TOGARAM1: variants seen among roughly 807,000 people sequenced by gnomAD.
The protein encoded by TOGARAM1 is TOG array regulator of axonemal microtubules protein 1.
Under a neutral mutation model 166.6 loss-of-function variants are expected in TOGARAM1, and 100 were observed. The ratio of observed to expected loss-of-function variants is 0.60; its 90% CI spans 0.51 to 0.71. TOGARAM1 has a LOEUF of 0.71. Ranked by LOEUF, TOGARAM1 falls within the 30% of genes least tolerant of loss-of-function variation. The pLI, the probability that TOGARAM1 is intolerant of heterozygous loss-of-function variation, is 0.00. For missense variants in TOGARAM1, 2,029 were observed against 2,102.7 expected (o/e 0.96, Z 0.69); for synonymous variants, 758 against 763.8 (o/e 0.99, Z 0.13).
chr14:44,970,174 T>G (rs1885803658), intron 1 of TOGARAM1, among the ~76,000 whole-genome samples: 1 of 152,226 alleles, frequency 6.6e-6, no homozygotes, highest in South Asian at 2.1e-4. Context: ...TCCACAAACA[T>G]GGATTATCTC....
intron 13 of TOGARAM1, among the ~76,000 whole-genome samples, chr14:45,045,680 T>C (rs1410275292): frequency 2.0e-5 from 2 of 97,614 alleles, no homozygotes; most frequent in Non-Finnish European, 3.6e-5. Context: ...TGTATATATA[T>C]ACACATATAT....
chr14:45,047,759 A>G (rs1882146803), intron 14 of TOGARAM1, among the ~76,000 whole-genome samples: 1 of 152,152 alleles, frequency 6.6e-6, no homozygotes, highest in Non-Finnish European at 1.5e-5. Flanking sequence ...TAAAATTTTT[A>G]TAGTAATGAT....
At chr14:45,041,623 A>G (rs899811096) in intron 11 of TOGARAM1, among the ~76,000 whole-genome samples, 18 of 152,250 alleles carry the variant, frequency 1.2e-4, no homozygotes, top group African/African-American at 4.1e-4. Context: ...AAGAACATAG[A>G]GATAAAAATT....
intron 2 of TOGARAM1, among the ~76,000 whole-genome samples, chr14:44,998,895 A>G (rs997717817): frequency 6.6e-6 from 1 of 152,182 alleles, no homozygotes; most frequent in African/African-American, 2.4e-5. Flanking sequence ...ATCTGCGTGA[A>G]TACTGTGAAG....
rs567008587 is a variant in TOGARAM1 at position 44,987,352 on chromosome 14, C to T, written c.2047-8394C>T. On this transcript the variant is annotated intron_variant, in intron 1 of 19. Transcript: ENST00000361462. ...GAATGGAGAAAATTTTTGCAATCTA[C>T]TCATCTGACAAAGGGCTAATATCCA... Among the ~76,000 whole-genome samples the T allele has an allele frequency of 3.3e-5, 5 of 152,236 alleles. No individual in the cohort carries two copies. In the South Asian group the frequency reaches 1.0e-3, roughly 32 times the overall value.
Position 45,008,947 on chromosome 14 carries a change from CAGCTAAGAAAAG to C in TOGARAM1, c.2943_2954del (p.Lys983_Lys986del), listed in dbSNP as rs754316286. 2 of 1,613,990 alleles carry C rather than the reference CAGCTAAGAAAAG, an allele frequency of 1.2e-6. No individual in the cohort carries two copies. Among genetic ancestry groups the C allele is most frequent in the Non-Finnish European group, 1.7e-6 (2 of 1,179,912 alleles). On this transcript the variant is annotated inframe_deletion, in exon 6 of 20. Transcript: ENST00000361462. ...TCTCTTAGGTCCCTTCGTAATAGTGCAGCTAAGAAAAGAGCAAAACTGAGTGGCAGTACTTCA... is the reference window on the plus strand; with the variant it reads ...TCTCTTAGGTCCCTTCGTAATAGTGCAGCAAAACTGAGTGGCAGTACTTCA...
At chr14:45,062,486 G>A (rs747475641) in intron 16 of TOGARAM1, among the ~76,000 whole-genome samples, 1 of 152,064 alleles carries the variant, frequency 6.6e-6, no homozygotes, top group East Asian at 1.9e-4. Context: ...TTACGGAGAC[G>A]TAATTCACCT....
chr14:45,064,743 G>A (rs951828170), intron 16 of TOGARAM1, among the ~76,000 whole-genome samples: 12 of 152,122 alleles, frequency 7.9e-5, no homozygotes, highest in Admixed American at 5.9e-4. Context: ...TTTAATCAGG[G>A]TATTTGACCA....
In TOGARAM1 at chr14:44,963,129, A is replaced by G. The variant is rs1306720521; in HGVS notation, c.708A>G (p.Leu236=). ...TDARLRASTA[L]LLPILLTTED... ...CCCGACTTAGAGCTTCCACAGCACT[A>G]CTGCTTCCCATCTTGCTTACTACTG... is the stretch of plus-strand genomic sequence containing the variant. Residue 236 remains leucine (L), a synonymous_variant, in exon 1 of 20, where the codon CTA becomes CTG. Transcript: ENST00000361462. 6.2e-7 allele frequency: 1 copy of G among 1,614,102 alleles called. No individual in the cohort carries two copies. Among genetic ancestry groups the G allele is most frequent in the Non-Finnish European group, 8.5e-7 (1 of 1,180,048 alleles).
intron 18 of TOGARAM1, among the ~76,000 whole-genome samples, chr14:45,069,066 G>C (rs2139007722): frequency 6.6e-6 from 1 of 152,186 alleles, no homozygotes; most frequent in African/African-American, 2.4e-5. Context: ...CTTAGGACTT[G>C]GTGAAAAGTT....
At chr14:44,966,748 G>A (rs554371552) in intron 1 of TOGARAM1, among the ~76,000 whole-genome samples, 1 of 152,036 alleles carries the variant, frequency 6.6e-6, no homozygotes, top group Non-Finnish European at 1.5e-5. Flanking sequence ...GAGGCCAGGA[G>A]TTCGAGACCA....
At chr14:45,044,040 T>G (rs1213491562) in intron 12 of TOGARAM1, among the ~76,000 whole-genome samples, 2 of 152,086 alleles carry the variant, frequency 1.3e-5, no homozygotes, top group Admixed American at 1.3e-4. Context: ...AACGGAGTCT[T>G]GCTCTGTTGC....
intron 1 of TOGARAM1, among the ~76,000 whole-genome samples, chr14:44,975,104 A>G (rs1419897280): frequency 6.6e-6 from 1 of 152,138 alleles, no homozygotes; most frequent in Non-Finnish European, 1.5e-5. Context: ...CCAGAAAGCA[A>G]TAATTTTGCT....
chr14:44,982,827 C>T (rs1200710759), intron 1 of TOGARAM1, among the ~76,000 whole-genome samples: 4 of 152,156 alleles, frequency 2.6e-5, no homozygotes, highest in Non-Finnish European at 5.9e-5. Flanking sequence ...ATTCCTTCTT[C>T]TCAATGATGG....
At chr14:44,992,810 G>C (rs754025761) in intron 1 of TOGARAM1, among the ~76,000 whole-genome samples, 1 of 151,190 alleles carries the variant, frequency 6.6e-6, no homozygotes, top group Non-Finnish European at 1.5e-5. Context: ...GTAGAGACGG[G>C]TTTTCACCGT....
At chr14:44,992,369 A>G (rs954322021) in intron 1 of TOGARAM1, among the ~76,000 whole-genome samples, 22 of 151,990 alleles carry the variant, frequency 1.4e-4, no homozygotes, top group African/African-American at 5.1e-4. Context: ...GAAACCAGAA[A>G]GAACTGGTAA....
At chr14:45,043,375 A>G (rs1456220383) in intron 11 of TOGARAM1, among the ~76,000 whole-genome samples, 4 of 152,008 alleles carry the variant, frequency 2.6e-5, no homozygotes, top group Non-Finnish European at 5.9e-5. Context: ...ACAGCGTTTC[A>G]CCATGTTGGC....
At chr14:44,993,821 C>G (rs879833056) in intron 1 of TOGARAM1, among the ~76,000 whole-genome samples, 1 of 152,188 alleles carries the variant, frequency 6.6e-6, no homozygotes, top group Non-Finnish European at 1.5e-5. Context: ...CCACCTCCAC[C>G]AGTTGTTGTA....
In TOGARAM1 at chr14:45,073,860, A is replaced by G. The variant is rs1391699961; in HGVS notation, c.*299A>G. 4.1e-5 allele frequency: 9 copies of G among 222,008 alleles called. No homozygotes were observed. The highest frequency in any genetic ancestry group is 2.2e-4 in the Admixed American group (4 of 18,078). 13.8% of individuals were successfully genotyped at this position (222,008 alleles called of 1,614,324 possible). On this transcript the variant is annotated 3_prime_UTR_variant, in exon 20 of 20. Transcript: ENST00000361462. ...TTTGCACTATTCTATAGAAACTACA[A>G]TTTGTTGCCCTATATGTAAAATTAG... is the stretch of plus-strand genomic sequence containing the variant.
Sources: allele counts gnomAD v4.1 joint callset (sites outside exome capture counted in the v4.1 genomes callset), GRCh38; gene constraint gnomAD v4.1.1; transcripts MANE v1.5; gene names NCBI Gene and HGNC (gene_info 2026-07-23, HGNC 2026-07-21).